DTNBP1: variants seen among roughly 807,000 people sequenced by gnomAD.
DTNBP1 encodes dysbindin.
In DTNBP1, 35 loss-of-function variants were observed where a neutral mutation model predicts 42.8. That is an observed-to-expected ratio of 0.82 (90% confidence interval 0.63 to 1.09). DTNBP1 has a LOEUF of 1.09. Among genes scored for constraint, DTNBP1 ranks in the 50% least tolerant of loss-of-function variants. DTNBP1 has a pLI of 0.00. For synonymous variants in DTNBP1, 171 were observed against 162.2 expected (o/e 1.05, Z -0.41); for missense variants, 457 against 424.2 (o/e 1.08, Z -0.68).
At chr6:15,547,451 T>A (rs909436862) in intron 7 of DTNBP1, among the ~76,000 whole-genome samples, 1 of 152,218 alleles carries the variant, frequency 6.6e-6, no homozygotes, top group African/African-American at 2.4e-5. Context: ...GTGCAACCAC[T>A]GCATTACTTC....
intron 1 of DTNBP1, among the ~76,000 whole-genome samples, chr6:15,656,769 A>T (rs1457876879): frequency 6.6e-6 from 1 of 152,114 alleles, no homozygotes; most frequent in Non-Finnish European, 1.5e-5. Flanking sequence ...GAAAAGAAAA[A>T]GATGTAGATA....
At chr6:15,602,319 T>C (rs1233118184) in intron 6 of DTNBP1, among the ~76,000 whole-genome samples, 1 of 152,132 alleles carries the variant, frequency 6.6e-6, no homozygotes, top group East Asian at 1.9e-4. Flanking sequence ...GAGCACTGTT[T>C]TCTTGTTGCT....
rs780197285 is a variant in DTNBP1 at position 15,523,233 on chromosome 6, T to C, written c.812-14A>G. ...TGGATTCAGGCCCTGCAAAATAACGTAGGGAAGAAAAAGCCCTGTCATAAA... is the reference window on the plus strand; with the variant it reads ...TGGATTCAGGCCCTGCAAAATAACGCAGGGAAGAAAAAGCCCTGTCATAAA... On this transcript the variant is annotated splice_polypyrimidine_tract_variant and intron_variant, in intron 9 of 9. Coordinates refer to ENST00000344537, the MANE Select transcript of DTNBP1 (RefSeq NM_032122.5). The C allele has an allele frequency of 1.3e-5, 21 of 1,613,910 alleles. No individual in the cohort carries two copies. Among genetic ancestry groups the C allele is most frequent in the Non-Finnish European group, 1.7e-5 (20 of 1,179,952 alleles).
chr6:15,636,759 T>C (rs1760052926), intron 4 of DTNBP1, among the ~76,000 whole-genome samples: 1 of 152,224 alleles, frequency 6.6e-6, no homozygotes, highest in Middle Eastern at 3.2e-3. Flanking sequence ...GCTTTTGTTT[T>C]AGTATTTTGA....
At chr6:15,523,512 T>A in intron 9 of DTNBP1, 1 of 1,278,140 alleles carries the variant, frequency 7.8e-7, no homozygotes, top group Non-Finnish European at 1.0e-6. Context: ...CAAAGGCAAG[T>A]GCTGCCTATC....
At chr6:15,576,391 G>A (rs964240416) in intron 7 of DTNBP1, among the ~76,000 whole-genome samples, 4 of 151,988 alleles carry the variant, frequency 2.6e-5, no homozygotes, top group African/African-American at 9.7e-5. Flanking sequence ...CCAAAGTGCT[G>A]GGATTACAGG....
chr6:15,654,759 A>G (rs762784201), intron 1 of DTNBP1, among the ~76,000 whole-genome samples: 1 of 152,240 alleles, frequency 6.6e-6, no homozygotes, highest in Non-Finnish European at 1.5e-5. Context: ...TCTGTTTTAA[A>G]AATTGGTCTT....
At chr6:15,543,471 A>G (rs750233268) in intron 7 of DTNBP1, among the ~76,000 whole-genome samples, 1 of 152,174 alleles carries the variant, frequency 6.6e-6, no homozygotes, top group Non-Finnish European at 1.5e-5. Flanking sequence ...CACTACATCA[A>G]TACAGTACCA....
intron 5 of DTNBP1, among the ~76,000 whole-genome samples, chr6:15,626,559 T>C (rs1481400345): frequency 2.0e-5 from 3 of 152,230 alleles, no homozygotes; most frequent in Non-Finnish European, 2.9e-5. Flanking sequence ...TTTACTAAGA[T>C]CTTAAGCTTG....
At chr6:15,532,697 C>CTTTTTTTTTTTTTTT (rs373480713) in intron 8 of DTNBP1, among the ~76,000 whole-genome samples, 3 of 93,100 alleles carry the variant, frequency 3.2e-5, no homozygotes, top group African/African-American at 4.5e-5. Flanking sequence ...TGTTTGTAAT[C>CTTTTTTTTTTTTTTT]TTTTTTTTTT....
chr6:15,592,042 C>T (rs930545808), intron 7 of DTNBP1, among the ~76,000 whole-genome samples: 2 of 152,048 alleles, frequency 1.3e-5, no homozygotes, highest in Non-Finnish European at 1.5e-5. Flanking sequence ...TTACTAGAGC[C>T]GTAGTAGGTC....
At chr6:15,639,921 C>T (rs1462584531) in intron 3 of DTNBP1, among the ~76,000 whole-genome samples, 1 of 152,084 alleles carries the variant, frequency 6.6e-6, no homozygotes, top group Non-Finnish European at 1.5e-5. Flanking sequence ...ATCACTTTTC[C>T]TAACATCTCA....
At position 15,523,194 on chromosome 6, in the gene DTNBP1, A is replaced by G. The variant is rs1244467845; in HGVS notation, c.837T>C (p.Asn279=). 2 of 1,603,586 alleles carry G rather than the reference A, an allele frequency of 1.2e-6. No homozygotes were observed. The highest frequency in any genetic ancestry group is 2.7e-5 in the African/African-American group (2 of 74,704). Reference sequence around the variant, plus strand: ...GATTTGGAACCTGGAGGGTAATCTCATTCTGACAGGTACTGGATTCAGGCC... The same window carrying G: ...GATTTGGAACCTGGAGGGTAATCTCGTTCTGACAGGTACTGGATTCAGGCC... ...ALGPESSTCQ[N]EITLQVPNPS... is the part of the protein sequence containing the mutation. Residue 279 remains asparagine (N), a synonymous_variant, in exon 10 of 10, where the codon AAT becomes AAC. Coordinates refer to ENST00000344537, the MANE Select transcript of DTNBP1 (RefSeq NM_032122.5).
intron 7 of DTNBP1, among the ~76,000 whole-genome samples, chr6:15,589,780 C>T (rs1353687976): frequency 6.6e-6 from 1 of 152,148 alleles, no homozygotes; most frequent in Non-Finnish European, 1.5e-5. Flanking sequence ...CACTTCTTTC[C>T]ATTTTCTTTG....
At chr6:15,528,686 A>AACTGGTGC (rs1463946493) in intron 8 of DTNBP1, among the ~76,000 whole-genome samples, 1 of 152,234 alleles carries the variant, frequency 6.6e-6, no homozygotes, top group Admixed American at 6.5e-5. Flanking sequence ...GGAGACTATA[A>AACTGGTGC]ACTGGTGCAA....
chr6:15,574,251 G>A (rs1445228832), intron 7 of DTNBP1, among the ~76,000 whole-genome samples: 3 of 152,230 alleles, frequency 2.0e-5, no homozygotes, highest in Non-Finnish European at 2.9e-5. Context: ...TACAACAGCT[G>A]CTAAAGACAC....
Position 15,615,409 on chromosome 6 carries a change from T to G in DTNBP1, c.356-10A>C. The G allele has an allele frequency of 6.2e-7, 1 of 1,613,704 alleles. No individual in the cohort carries two copies. The highest frequency in any genetic ancestry group is 8.5e-7 in the Non-Finnish European group (1 of 1,180,010). ...CTCGCCTCTAAATGAGCTGAAAGTA[T>G]ATAAAAATAAACAGACCTCAAAAGT... On this transcript the variant is annotated splice_polypyrimidine_tract_variant and intron_variant, in intron 5 of 9. Transcript: ENST00000344537.
Position 15,651,237 on chromosome 6 carries a change from C to A in DTNBP1, c.161+76G>T. The stretch of plus-strand genomic sequence containing the variant: ...AATTTAGCTGTTTTAAGGCTTTTAA[C>A]CTACAAAATTAAAAGATATTTTTGG... On this transcript the variant is annotated intron_variant, in intron 3 of 9. Coordinates refer to ENST00000344537, the MANE Select transcript of DTNBP1 (RefSeq NM_032122.5). The A allele has an allele frequency of 2.2e-6, 3 of 1,360,056 alleles. No individual in the cohort carries two copies. The South Asian group carries it at 3.6e-5, about 16-fold the overall frequency. 84.2% of individuals were successfully genotyped at this position (1,360,056 alleles called of 1,614,324 possible). A position where few individuals can be genotyped will look rare whatever the true frequency, so the allele number is the denominator to read the frequency against.
intron 5 of DTNBP1, among the ~76,000 whole-genome samples, chr6:15,616,612 C>T (rs1359567402): frequency 6.6e-6 from 1 of 152,226 alleles, no homozygotes; most frequent in South Asian, 2.1e-4. Context: ...TTCACTTAAA[C>T]GGCTACAATA....
Sources: allele counts gnomAD v4.1 joint callset (sites outside exome capture counted in the v4.1 genomes callset), GRCh38; gene constraint gnomAD v4.1.1; transcripts MANE v1.5; gene names NCBI Gene and HGNC (gene_info 2026-07-23, HGNC 2026-07-21).